DST: variants seen among roughly 807,000 people sequenced by gnomAD.
DST encodes dystonin, also known as bullous pemphigoid antigen.
In DST, 253 loss-of-function variants were observed where a neutral mutation model predicts 875.2. The ratio of observed to expected loss-of-function variants is 0.29; its 90% confidence interval spans 0.26 to 0.32. The LOEUF (loss-of-function observed/expected upper bound fraction) is 0.32. Among genes scored for constraint, DST ranks in the 10% least tolerant of loss-of-function variants. The pLI is 1.00. For missense variants in DST, 8,287 were observed against 9,111.6 expected, an observed-to-expected ratio of 0.91 and a Z score of 3.68; for synonymous variants, 3,124 against 3,197.1, an observed-to-expected ratio of 0.98 and a Z score of 0.77.
chr6:56,522,455 CCT>C (rs1033950004), intron 69 of DST, among the ~76,000 whole-genome samples: 65 of 152,130 alleles, frequency 4.3e-4, no homozygotes, highest in African/African-American at 1.6e-3. Context: ...ACTCCCTTCC[CCT>C]TACTGGGGAT....
At chr6:56,722,368 G>GTTTGTTTGTTTGTTTA (rs376637331) in intron 5 of DST, among the ~76,000 whole-genome samples, 1,516 of 150,684 alleles carry the variant, frequency 0.01, 26 homozygotes, top group African/African-American at 0.035. Context: ...GTACATGTTT[G>GTTTGTTTGTTTGTTTA]TTTATTTATT....
chr6:56,915,866 T>C (rs894790872), intron 2 of DST, among the ~76,000 whole-genome samples: 12 of 152,242 alleles, frequency 7.9e-5, no homozygotes, highest in African/African-American at 2.9e-4. Flanking sequence ...CTTACAACGA[T>C]AGCCATATCA....
chr6:56,859,634 T>A (rs1769932115), intron 3 of DST, among the ~76,000 whole-genome samples: 1 of 152,186 alleles, frequency 6.6e-6, no homozygotes, highest in South Asian at 2.1e-4. Context: ...AAATACTTAA[T>A]CTTATATTTT....
At chr6:56,659,495 T>C (rs143747879) in intron 10 of DST, among the ~76,000 whole-genome samples, 230 of 152,136 alleles carry the variant, frequency 1.5e-3, no homozygotes, top group African/African-American at 5.3e-3. Context: ...TAGGGTGAAA[T>C]ACTAAAATGT....
At chr6:56,744,523 G>GT (rs1178066316) in intron 4 of DST, among the ~76,000 whole-genome samples, 1 of 152,212 alleles carries the variant, frequency 6.6e-6, no homozygotes, top group African/African-American at 2.4e-5. Flanking sequence ...GTAAACAGCT[G>GT]TAAGATTGTT....
intron 86 of DST, among the ~76,000 whole-genome samples, chr6:56,487,867 G>A (rs558413744): frequency 7.9e-5 from 12 of 152,048 alleles, no homozygotes; most frequent in Non-Finnish European, 1.8e-4. Flanking sequence ...AAAATATAAT[G>A]GAAACATTAA....
chr6:56,805,428 A>G (rs1369737590), intron 4 of DST, among the ~76,000 whole-genome samples: 2 of 152,202 alleles, frequency 1.3e-5, no homozygotes, highest in East Asian at 3.8e-4. Flanking sequence ...CTATCCCTGA[A>G]CTACTACAGT....
At chr6:56,578,759 C>A in intron 50 of DST, 55 bp downstream of exon 50, 3 of 1,584,426 alleles carry the variant, frequency 1.9e-6, no homozygotes, top group Non-Finnish European at 2.6e-6. Context: ...TCTATTAGGA[C>A]ACCTTTCTTT....
rs769301413 is a variant in DST, at chr6:56,487,188, A to C, written c.20963T>G (p.Leu6988Arg). The change falls in exon 87 of 104, where the codon CTG becomes CGG. Residue 6988 changes from leucine to arginine, a missense_variant. Physicochemically the swap from Leu to Arg is moderately radical, Grantham distance 102 (BLOSUM62 -2). Coordinates refer to ENST00000680361, the MANE Select transcript of DST (RefSeq NM_001374736.1). ...TGRSLKEKTS[L>R]ADDNLKLDDM... The stretch of plus-strand genomic sequence containing the variant: ...ATCCAGTTTCAGGTTGTCATCAGCC[A>C]GGGAGGTTTTCTCCTTCAGAGAACG... 13 of 1,613,852 alleles carry C rather than the reference A, an allele frequency of 8.1e-6. No homozygotes were observed. The Admixed American group carries it at 1.7e-4, about 21-fold the overall frequency.
At chr6:56,836,881 TAAACAAAG>T (rs2099794422) in intron 4 of DST, among the ~76,000 whole-genome samples, 1 of 142,252 alleles carries the variant, frequency 7.0e-6, no homozygotes, top group African/African-American at 2.5e-5. Context: ...AAAAAGAAAA[TAAACAAAG>T]AAAAAATTAA....
At chr6:56,617,789 C>T (rs1017972872) in intron 36 of DST, among the ~76,000 whole-genome samples, 20 of 152,102 alleles carry the variant, frequency 1.3e-4, no homozygotes, top group Admixed American at 1.1e-3. Context: ...TAATCTCAAA[C>T]ATTCAAAAAT....
Position 56,851,550 on chromosome 6 carries a change from C to G in DST, c.472G>C (p.Asp158His), listed in dbSNP as rs745800247. Residue 158 changes from aspartate to histidine, a missense_variant, in exon 4 of 104, where the codon GAT becomes CAT. Physicochemically the swap from Asp to His is moderately conservative, Grantham distance 81 (BLOSUM62 -1). Transcript: ENST00000680361. The stretch of plus-strand genomic sequence containing the variant: ...GATTTCTGGCTGAAATCATCCTCAT[C>G]GGAAAAATCCGCAGAGGAAGACATA... ...CSMSSSADFS[D>H]EDDFSQKSGS... 6.2e-7 allele frequency: 1 copy of G among 1,613,982 alleles called. No individual in the cohort carries two copies. Among genetic ancestry groups the G allele is most frequent in the Non-Finnish European group, 8.5e-7 (1 of 1,179,882 alleles).
At chr6:56,485,729 A>T (rs566910022) in intron 87 of DST, among the ~76,000 whole-genome samples, 20 of 152,308 alleles carry the variant, frequency 1.3e-4, no homozygotes, top group Admixed American at 9.1e-4. Flanking sequence ...GTTTCTTCAT[A>T]AAAATAAGCC....
At position 56,463,592 on chromosome 6, in the gene DST, T is replaced by G. The variant is rs374094129; in HGVS notation, c.22932A>C (p.Pro7644=). The change falls in exon 101 of 104, where the codon CCA becomes CCC. Residue 7644 remains proline (P), a synonymous_variant. Coordinates refer to ENST00000680361, the MANE Select transcript of DST (RefSeq NM_001374736.1). The part of the protein sequence containing the change: ...VSSQAAQAAS[P]QVPATTTPKI... ...TGGGTGTGGTGGTGGCAGGGACCTG[T>G]GGGGAGGCCGCCTGCGCAGCCTGAC... 1.2e-4 allele frequency: 197 copies of G among 1,602,196 alleles called. No individual in the cohort carries two copies. In the African/African-American group the frequency reaches 2.4e-3, roughly 19 times the overall value.
intron 94 of DST, 21 bp downstream of exon 94, chr6:56,472,038 T>C: frequency 6.2e-7 from 1 of 1,612,836 alleles, no homozygotes; most frequent in Non-Finnish European, 8.5e-7. Flanking sequence ...AATGTGGTGT[T>C]GAGGGTATGA....
intron 8 of DST, among the ~76,000 whole-genome samples, 168 bp downstream of exon 8, chr6:56,701,720 T>C (rs1402155351): frequency 6.6e-6 from 1 of 152,200 alleles, no homozygotes; most frequent in Non-Finnish European, 1.5e-5. Context: ...ACTTCTTTTC[T>C]TGGGAGCAAA....
intron 7 of DST, among the ~76,000 whole-genome samples, chr6:56,702,978 A>G (rs2099316569): frequency 6.6e-6 from 1 of 152,188 alleles, no homozygotes; most frequent in Non-Finnish European, 1.5e-5. Flanking sequence ...CAACAAAAGC[A>G]CAATTTCCAG....
At chr6:56,722,298 T>C (rs2099420397) in intron 5 of DST, among the ~76,000 whole-genome samples, 1 of 152,186 alleles carries the variant, frequency 6.6e-6, no homozygotes, top group African/African-American at 2.4e-5. Context: ...AAATTAAGAG[T>C]GGGAATGACT....
At chr6:56,744,277 A>C (rs1281742193) in intron 4 of DST, among the ~76,000 whole-genome samples, 1 of 152,162 alleles carries the variant, frequency 6.6e-6, no homozygotes, top group Non-Finnish European at 1.5e-5. Flanking sequence ...TGCTTCACTA[A>C]GAAGTTACAT....
Sources: allele counts gnomAD v4.1 joint callset (sites outside exome capture counted in the v4.1 genomes callset), GRCh38; gene constraint gnomAD v4.1.1; transcripts MANE v1.5; gene names NCBI Gene and HGNC (gene_info 2026-07-23, HGNC 2026-07-21).